The following NPR1 variants were observed in gnomAD, a reference collection of about 807,000 sequenced individuals.
NPR1 encodes the protein atrial natriuretic peptide receptor 1.
A neutral mutation model predicts 116.9 loss-of-function variants in NPR1; 57 were observed. The ratio of observed to expected loss-of-function variants is 0.49; its 90% CI spans 0.39 to 0.61. The LOEUF (loss-of-function observed/expected upper bound fraction) is 0.61. Ranked by LOEUF, NPR1 falls within the 20% of genes least tolerant of loss-of-function variation. The pLI, the probability that NPR1 is intolerant of heterozygous loss-of-function variation, is 0.00. For synonymous variants in NPR1, 555 were observed against 601.6 expected, an observed-to-expected ratio of 0.92 and a Z score of 1.13; for missense variants, 1,096 against 1,409.8, an observed-to-expected ratio of 0.78 and a Z score of 3.56.
chr1:153,686,225 C>T, intron 10 of NPR1, 25 bp downstream of exon 10: 1 of 1,608,380 alleles, frequency 6.2e-7, no homozygotes, highest in South Asian at 1.1e-5. Context: ...GAGGCAGTGG[C>T]ATGGAGAAGG....
Position 153,685,799 on chromosome 1 carries a change from C to T in NPR1, c.1606-7C>T. ...CTGACCATTCCTCCTGCTCTCCCTC[C>T]TTTCAGAGAGGCTCCAATTACGGCT... On this transcript the variant is annotated splice_region_variant and splice_polypyrimidine_tract_variant and intron_variant, in intron 8 of 21. Coordinates refer to ENST00000368680, the MANE Select transcript of NPR1 (RefSeq NM_000906.4). 6.2e-7 allele frequency: 1 copy of T among 1,613,558 alleles called. No individual in the cohort carries two copies. Among genetic ancestry groups the T allele is most frequent in the South Asian group, 1.1e-5 (1 of 91,074 alleles).
intron 7 of NPR1, 100 bp downstream of exon 7, chr1:153,683,924 G>A: frequency 2.0e-6 from 2 of 998,070 alleles, no homozygotes; most frequent in Non-Finnish European, 3.1e-6. Context: ...AGGGGTGAAG[G>A]GGCACCAGGG....
chr1:153,679,437 C>A lies in NPR1; in HGVS notation c.329C>A (p.Pro110His). 1 of 1,543,126 alleles carries A rather than the reference C, an allele frequency of 6.5e-7. No individual in the cohort carries two copies. Among genetic ancestry groups the A allele is most frequent in the South Asian group, 1.2e-5 (1 of 84,544 alleles). Reference protein sequence around the residue: ...AAVDLKWEHNPAVFLGPGCVY... With the variant: ...AAVDLKWEHNHAVFLGPGCVY... ...GTGGACCTCAAGTGGGAGCACAACC[C>A]CGCTGTGTTCCTGGGCCCCGGCTGC... The change falls in exon 1 of 22, where the codon CCC becomes CAC. Residue 110 changes from proline to histidine, a missense_variant. Pro to His is a moderately conservative substitution (Grantham distance 77, BLOSUM62 -2). Coordinates refer to ENST00000368680, the MANE Select transcript of NPR1 (RefSeq NM_000906.4). The surrounding 1 kb of genome is among the most constrained non-coding windows in gnomAD (Gnocchi z 4.2).
chr1:153,685,250 T>A (rs1669896989), intron 8 of NPR1, among the ~76,000 whole-genome samples, 166 bp downstream of exon 8: 1 of 151,560 alleles, frequency 6.6e-6, no homozygotes, highest in Admixed American at 6.6e-5. Flanking sequence ...TCTCAGATGA[T>A]GATTACAGCA....
rs769903857 is a variant in NPR1 at position 153,679,724 on chromosome 1, C to T, written c.616C>T (p.Arg206Trp). The T allele has an allele frequency of 6.2e-7, 1 of 1,605,498 alleles. No homozygotes were observed. Among genetic ancestry groups the T allele is most frequent in the South Asian group, 1.1e-5 (1 of 90,210 alleles). The change falls in exon 1 of 22, where the codon CGG becomes TGG. Residue 206 changes from arginine (R) to tryptophan (W), a missense_variant. Transcript: ENST00000368680. This position sits in a 1 kb window ranked among gnomAD's most constrained non-coding sequence, Gnocchi z 4.2. ...CTTCCTCGTGGAGGGGCTGTTCATG[C>T]GGGTCCGCGACCGCCTCAATATTAC... ...CFFLVEGLFM[R>W]VRDRLNITVD...
chr1:153,689,635 C>A lies in NPR1; in HGVS notation c.2757+114C>A. 1 of 1,254,474 alleles carries A rather than the reference C, an allele frequency of 8.0e-7. No homozygotes were observed. The highest frequency in any genetic ancestry group is 1.1e-6 in the Non-Finnish European group (1 of 875,444). The allele number at this position is 1,254,474 out of a possible 1,614,324, so 77.7% of individuals were successfully genotyped here. On this transcript the variant is annotated intron_variant, in intron 18 of 21. Transcript: ENST00000368680. This position sits in a 1 kb window ranked among gnomAD's most constrained non-coding sequence, Gnocchi z 5.1. Reference sequence around the variant, plus strand: ...TAAGAGAGGAGATCGGGGACACGGGCAGAGACAGTGACACAGGGAGACCCG... The same window carrying A: ...TAAGAGAGGAGATCGGGGACACGGGAAGAGACAGTGACACAGGGAGACCCG...
rs1557966254 is a variant in NPR1 at position 153,690,390 on chromosome 1, G to A, written c.3031+8G>A. The A allele has an allele frequency of 3.2e-6, 5 of 1,547,632 alleles. No homozygotes were observed. The highest frequency in any genetic ancestry group is 4.4e-6 in the Non-Finnish European group (5 of 1,142,176). On this transcript the variant is annotated splice_region_variant and intron_variant, in intron 20 of 21. Coordinates refer to ENST00000368680, the MANE Select transcript of NPR1 (RefSeq NM_000906.4). ...TGGAGTCTAATGGGGAAGGTACAGT[G>A]CCCCCTCCTAGAGGGAATGGGGAGG...
chr1:153,693,409 G>A lies in NPR1; in HGVS notation c.3181G>A (p.Gly1061Ser). The change falls in exon 22 of 22, where the codon GGC becomes AGC. Residue 1061 changes from glycine to serine, a missense_variant. Gly to Ser is a moderately conservative substitution (Grantham distance 56, BLOSUM62 0). Transcript: ENST00000368680. ...LLGERGSSTR[G>S] ...TGGGGAGAGGGGGAGTAGCACCCGA[G>A]GCTGACCTGCCTCCTCTCCTATCCC... 6.2e-7 allele frequency: 1 copy of A among 1,608,968 alleles called. No individual in the cohort carries two copies. Among genetic ancestry groups the A allele is most frequent in the Non-Finnish European group, 8.5e-7 (1 of 1,177,926 alleles).
Position 153,689,641 on chromosome 1 carries a change from C to CAGTG in NPR1, c.2757+122_2757+125dup. 8.1e-7 allele frequency: 1 copy of CAGTG among 1,227,000 alleles called. No individual in the cohort carries two copies. Among genetic ancestry groups the CAGTG allele is most frequent in the African/African-American group, 1.5e-5 (1 of 68,074 alleles). 76.0% of individuals were successfully genotyped at this position (1,227,000 alleles called of 1,614,324 possible). ...AGGAGATCGGGGACACGGGCAGAGA[C>CAGTG]AGTGACACAGGGAGACCCGGGAACA... On this transcript the variant is annotated intron_variant, in intron 18 of 21. Coordinates refer to ENST00000368680, the MANE Select transcript of NPR1 (RefSeq NM_000906.4). The surrounding 1 kb of genome is among the most constrained non-coding windows in gnomAD (Gnocchi z 5.1).
At position 153,679,570 on chromosome 1, in the gene NPR1, G is replaced by A. The variant is rs1452512891; in HGVS notation, c.462G>A (p.Leu154=). The A allele has an allele frequency of 1.3e-6, 2 of 1,560,518 alleles. No homozygotes were observed. The highest frequency in any genetic ancestry group is 3.8e-5 in the Admixed American group (2 of 53,100). Residue 154 remains leucine, a synonymous_variant, in exon 1 of 22, where the codon CTG becomes CTA. Coordinates refer to ENST00000368680, the MANE Select transcript of NPR1 (RefSeq NM_000906.4). This position sits in a 1 kb window ranked among gnomAD's most constrained non-coding sequence, Gnocchi z 4.2. Reference sequence around the variant, plus strand: ...TCGGTGTCAAGGACGAGTATGCGCTGACCACCCGCGCGGGGCCCAGCTACG... The same window carrying A: ...TCGGTGTCAAGGACGAGTATGCGCTAACCACCCGCGCGGGGCCCAGCTACG... ...LGFGVKDEYA[L]TTRAGPSYAK...
At chr1:153,691,088 G>GTTT (rs1300422218) in intron 20 of NPR1, among the ~76,000 whole-genome samples, 2 of 152,048 alleles carry the variant, frequency 1.3e-5, no homozygotes, top group Non-Finnish European at 2.9e-5. Flanking sequence ...CTGAGCCATG[G>GTTT]TTTTCCTCAT....
At chr1:153,685,156 A>C (rs924938435) in intron 8 of NPR1, 72 bp downstream of exon 8, 36 of 1,565,950 alleles carry the variant, frequency 2.3e-5, no homozygotes, top group Non-Finnish European at 3.1e-5. Flanking sequence ...CCTGAGGGAT[A>C]GGTAAGGGAG....
At chr1:153,680,077 C>G (rs1669720188) in intron 1 of NPR1, among the ~76,000 whole-genome samples, 1 of 151,806 alleles carries the variant, frequency 6.6e-6, no homozygotes, top group Non-Finnish European at 1.5e-5. Context: ...CACCCTAGCA[C>G]AGCTCGGTTC....
chr1:153,686,183 C>T lies in NPR1; in HGVS notation c.1741C>T (p.Leu581=), dbSNP rs1669923064. The change falls in exon 10 of 22, where the codon CTG becomes TTG. Residue 581 remains leucine, a synonymous_variant. Transcript: ENST00000368680. ...ACGCATTGAGCTGACACGAAAAGTC[C>T]TGTTTGAACTGAAGCATGTAATGTG... ...RKRIELTRKV[L]FELKHMRDVQ... is the part of the protein sequence containing the mutation. The T allele has an allele frequency of 2.5e-6, 4 of 1,614,088 alleles. No individual in the cohort carries two copies. Among genetic ancestry groups the T allele is most frequent in the Non-Finnish European group, 3.4e-6 (4 of 1,180,002 alleles).
At chr1:153,687,382 A>G in intron 13 of NPR1, 26 bp downstream of exon 13, 1 of 1,610,402 alleles carries the variant, frequency 6.2e-7, no homozygotes. Flanking sequence ...TGAACCTAAC[A>G]CCTGCCCCCA....
Position 153,678,972 on chromosome 1 carries a change from C to A in NPR1, c.-137C>A. The A allele has an allele frequency of 1.7e-6, 2 of 1,168,782 alleles. No individual in the cohort carries two copies. Among genetic ancestry groups the A allele is most frequent in the Non-Finnish European group, 2.2e-6 (2 of 894,790 alleles). 72.4% of individuals were successfully genotyped at this position (1,168,782 alleles called of 1,614,324 possible). A position where few individuals can be genotyped will look rare whatever the true frequency, so the allele number is the denominator to read the frequency against. On this transcript the variant is annotated 5_prime_UTR_variant, in exon 1 of 22. Coordinates refer to ENST00000368680, the MANE Select transcript of NPR1 (RefSeq NM_000906.4). This position sits in a 1 kb window ranked among gnomAD's most constrained non-coding sequence, Gnocchi z 5.8. ...GTCGCAGCTACAGGGGGCCTCGAGC[C>A]CCGGGGTGAGCGTCCCCGTCCCGCT...
At chr1:153,692,215 G>C (rs539722780) in intron 20 of NPR1, among the ~76,000 whole-genome samples, 9 of 152,250 alleles carry the variant, frequency 5.9e-5, no homozygotes, top group African/African-American at 2.2e-4. Context: ...TTTTGAGATG[G>C]GTACTGACAC....
At chr1:153,686,830 G>T (rs1397630581) in intron 11 of NPR1, 80 bp downstream of exon 11, 2 of 1,385,498 alleles carry the variant, frequency 1.4e-6, no homozygotes, top group Non-Finnish European at 2.0e-6. Flanking sequence ...CCCCAGGCAT[G>T]CCTCGCCCTC....
In NPR1 at chr1:153,680,623, G is replaced by A; in HGVS notation, c.844G>A (p.Gly282Ser). The A allele has an allele frequency of 1.2e-6, 2 of 1,614,190 alleles. No homozygotes were observed. The highest frequency in any genetic ancestry group is 1.1e-5 in the South Asian group (1 of 91,086). Residue 282 changes from glycine to serine, a missense_variant, in exon 2 of 22, where the codon GGT becomes AGT. Gly to Ser is a moderately conservative substitution (Grantham distance 56). Transcript: ENST00000368680. ...HLDIFGQSLQ[G>S]GQGPAPRRPW... ...GGATATCTTTGGGCAAAGCCTGCAA[G>A]GTGGACAGGGCCCTGCTCCCCGCAG...
Sources: allele counts gnomAD v4.1 joint callset (sites outside exome capture counted in the v4.1 genomes callset), GRCh38; gene constraint gnomAD v4.1.1; non-coding constraint Gnocchi (gnomAD v3.1); transcripts MANE v1.5; gene names NCBI Gene and HGNC (gene_info 2026-07-23, HGNC 2026-07-21).